GPR180: variants seen among roughly 807,000 people sequenced by gnomAD.
The protein encoded by GPR180 is integral membrane protein GPR180.
Under a neutral mutation model 52.6 loss-of-function variants are expected in GPR180, and 53 were observed. That is an observed-to-expected ratio of 1.01 (90% CI 0.81 to 1.27). GPR180 has a LOEUF of 1.27. Among genes scored for constraint, GPR180 ranks in the 50% most tolerant of loss-of-function variants. The pLI is 0.00. For synonymous variants in GPR180, 200 were observed against 193.1 expected (o/e 1.04, Z -0.30); for missense variants, 533 against 527.0 (o/e 1.01, Z -0.11).
rs1338195510 is a variant in GPR180, at chr13:94,632,202, G to A, written c.*5031G>A. The A allele has an allele frequency of 1.3e-5, 2 of 152,128 alleles. No homozygotes were observed. The highest frequency in any genetic ancestry group is 4.8e-5 in the African/African-American group (2 of 41,422). 9.4% of individuals were successfully genotyped at this position (152,128 alleles called of 1,614,324 possible). A position where few individuals can be genotyped will look rare whatever the true frequency, so the allele number is the denominator to read the frequency against. On this transcript the variant is annotated 3_prime_UTR_variant, in exon 9 of 9. Coordinates refer to ENST00000376958, the MANE Select transcript of GPR180 (RefSeq NM_180989.6). ...GTTCAGTAGCCTCAAAGAAGTATGC[G>A]AAAACCTTCTAATGTTTTCTTCTTG...
rs569353235 is a variant in GPR180 at position 94,628,147 on chromosome 13, C to T, written c.*976C>T. Reference sequence around the variant, plus strand: ...CTATGAATAATTGAAAAACAAAACACTCACTGGATTTGTTATAATCCGTGT... The same window carrying T: ...CTATGAATAATTGAAAAACAAAACATTCACTGGATTTGTTATAATCCGTGT... On this transcript the variant is annotated 3_prime_UTR_variant, in exon 9 of 9. Coordinates refer to ENST00000376958, the MANE Select transcript of GPR180 (RefSeq NM_180989.6). 6.6e-6 allele frequency: 1 copy of T among 152,632 alleles called. No individual in the cohort carries two copies. The highest frequency in any genetic ancestry group is 2.1e-4 in the South Asian group (1 of 4,828). 9.5% of individuals were successfully genotyped at this position (152,632 alleles called of 1,614,324 possible).
At chr13:94,623,451 C>T (rs573803271) in intron 7 of GPR180, 151 bp downstream of exon 7, 22 of 591,156 alleles carry the variant, frequency 3.7e-5, no homozygotes, top group South Asian at 1.6e-4. Flanking sequence ...TTTGGAAGGC[C>T]AAGACAGACA....
Position 94,601,991 on chromosome 13 carries a change from G to A in GPR180, c.64G>A (p.Gly22Ser), listed in dbSNP as rs777714930. The change falls in exon 1 of 9, where the codon GGT becomes AGT. Residue 22 changes from glycine (G) to serine (S), a missense_variant. Coordinates refer to ENST00000376958, the MANE Select transcript of GPR180 (RefSeq NM_180989.6). ...CTGCTGGTGGCCGCAGGGCAGCCAG[G>A]GTAAGACCCTGCGGGGCAGCTTCAG... ...TCCWWPQGSQ[G>S]KTLRGSFSST... 2.9e-5 allele frequency: 43 copies of A among 1,488,012 alleles called. No individual in the cohort carries two copies. The Admixed American group carries it at 8.9e-4, about 31-fold the overall frequency. The allele number at this position is 1,488,012 out of a possible 1,614,324, so 92.2% of individuals were successfully genotyped here. A position where few individuals can be genotyped will look rare whatever the true frequency, so the allele number is the denominator to read the frequency against.
chr13:94,621,320 G>C lies in GPR180; in HGVS notation c.894+85G>C, dbSNP rs150967362. 118 of 1,063,066 alleles carry C rather than the reference G, an allele frequency of 1.1e-4. 1 individual carries two copies. Among genetic ancestry groups the C allele is most frequent in the Non-Finnish European group, 1.4e-4 (112 of 773,486 alleles). The allele number at this position is 1,063,066 out of a possible 1,614,324, so 65.9% of individuals were successfully genotyped here. Reference sequence around the variant, plus strand: ...ACCTCATTTCAGAATTGAAACCTGGGACCCATAAGGAATTTGTGTCATTTT... The same window carrying C: ...ACCTCATTTCAGAATTGAAACCTGGCACCCATAAGGAATTTGTGTCATTTT... On this transcript the variant is annotated intron_variant, in intron 6 of 8. Coordinates refer to ENST00000376958, the MANE Select transcript of GPR180 (RefSeq NM_180989.6).
chr13:94,611,561 C>T (rs1337273525), intron 2 of GPR180, among the ~76,000 whole-genome samples: 1 of 152,054 alleles, frequency 6.6e-6, no homozygotes, highest in Non-Finnish European at 1.5e-5. Flanking sequence ...AAGTTTCAGC[C>T]GCCGAGACCA....
At chr13:94,612,146 A>T (rs1198511636) in intron 2 of GPR180, 44 bp from the exon 3 acceptor site, 2 of 1,471,148 alleles carry the variant, frequency 1.4e-6, no homozygotes, top group African/African-American at 2.8e-5. Context: ...AGTGAAACAC[A>T]TTTGAGAATT....
intron 2 of GPR180, among the ~76,000 whole-genome samples, chr13:94,610,871 G>GC (rs1345637214): frequency 6.6e-6 from 1 of 152,134 alleles, no homozygotes; most frequent in African/African-American, 2.4e-5. Flanking sequence ...ATTTTCAGAT[G>GC]CCCTGGAGGA....
At position 94,623,297 on chromosome 13, in the gene GPR180, C is replaced by A; in HGVS notation, c.1083C>A (p.Ala361=). 1 of 1,608,344 alleles carries A rather than the reference C, an allele frequency of 6.2e-7. No homozygotes were observed. The highest frequency in any genetic ancestry group is 8.5e-7 in the Non-Finnish European group (1 of 1,176,082). ...TLKREFYITF[A]KGCILWFLCH... is the part of the protein sequence containing the mutation. Reference sequence around the variant, plus strand: ...AAAGGGAGTTCTACATCACATTTGCCAAAGTATGGGTTTGGAAAGAAAATC... The same window carrying A: ...AAAGGGAGTTCTACATCACATTTGCAAAAGTATGGGTTTGGAAAGAAAATC... Residue 361 remains alanine (A), a synonymous_variant, in exon 7 of 9, where the codon GCC becomes GCA. Coordinates refer to ENST00000376958, the MANE Select transcript of GPR180 (RefSeq NM_180989.6).
At chr13:94,609,736 C>T (rs759849053) in intron 2 of GPR180, among the ~76,000 whole-genome samples, 3 of 150,882 alleles carry the variant, frequency 2.0e-5, no homozygotes, top group Non-Finnish European at 4.4e-5. Flanking sequence ...TACATTTTTC[C>T]AGAAACTGTA....
chr13:94,615,934 C>A (rs1051930157), intron 3 of GPR180, among the ~76,000 whole-genome samples: 1 of 152,050 alleles, frequency 6.6e-6, no homozygotes, highest in African/African-American at 2.4e-5. Flanking sequence ...AACAGAAAAC[C>A]CTAATGCAAG....
At chr13:94,621,605 G>A (rs558592055) in intron 6 of GPR180, among the ~76,000 whole-genome samples, 11 of 152,108 alleles carry the variant, frequency 7.2e-5, no homozygotes, top group Non-Finnish European at 1.3e-4. Flanking sequence ...AACACTGAAT[G>A]AGTGATTCCA....
Position 94,612,393 on chromosome 13 carries a change from A to G in GPR180, c.505+3A>G, listed in dbSNP as rs1443621615. 8 of 1,580,868 alleles carry G rather than the reference A, an allele frequency of 5.1e-6. No individual in the cohort carries two copies. The South Asian group carries it at 8.9e-5, about 18-fold the overall frequency. On this transcript the variant is annotated splice_donor_region_variant and intron_variant, in intron 3 of 8. Transcript: ENST00000376958. Reference sequence around the variant, plus strand: ...TCATTTTAGTGCTGGAGAATCTGGTAAGAATATGTATTTGAATATATCCTA... The same window carrying G: ...TCATTTTAGTGCTGGAGAATCTGGTGAGAATATGTATTTGAATATATCCTA...
chr13:94,627,421 T>C lies in GPR180; in HGVS notation c.*250T>C, dbSNP rs1889942598. Reference sequence around the variant, plus strand: ...TATAAAATTATTGAAGCGATTTCTATGTGGAAATAAATGTGAAAAATAACT... The same window carrying C: ...TATAAAATTATTGAAGCGATTTCTACGTGGAAATAAATGTGAAAAATAACT... On this transcript the variant is annotated 3_prime_UTR_variant, in exon 9 of 9. Coordinates refer to ENST00000376958, the MANE Select transcript of GPR180 (RefSeq NM_180989.6). 2.4e-6 allele frequency: 1 copy of C among 423,774 alleles called. No individual in the cohort carries two copies. The highest frequency in any genetic ancestry group is 4.5e-5 in the Admixed American group (1 of 22,258). The allele number at this position is 423,774 out of a possible 1,614,324, so 26.3% of individuals were successfully genotyped here.
chr13:94,607,317 C>A (rs1488687204), intron 2 of GPR180, among the ~76,000 whole-genome samples: 1 of 152,218 alleles, frequency 6.6e-6, no homozygotes, highest in African/African-American at 2.4e-5. Context: ...GGTCATGTTA[C>A]ATTCACTTCT....
At chr13:94,608,513 T>G (rs1389104364) in intron 2 of GPR180, among the ~76,000 whole-genome samples, 1 of 152,192 alleles carries the variant, frequency 6.6e-6, no homozygotes, top group Non-Finnish European at 1.5e-5. Flanking sequence ...TAAAATAAAT[T>G]TAATACTGAT....
chr13:94,626,102 G>C, intron 8 of GPR180, 59 bp downstream of exon 8: 1 of 1,200,160 alleles, frequency 8.3e-7, no homozygotes, highest in Non-Finnish European at 1.2e-6. Flanking sequence ...TTAATTGGGA[G>C]AATATTTAAA....
At chr13:94,621,041 GA>G (rs761146359) in intron 5 of GPR180, 36 bp from the exon 6 acceptor site, 245 of 1,548,194 alleles carry the variant, frequency 1.6e-4, no homozygotes, top group Non-Finnish European at 2.0e-4. Flanking sequence ...TTTATATTGT[GA>G]AAACTTGGTT....
At chr13:94,620,139 C>G (rs1889833574) in intron 5 of GPR180, among the ~76,000 whole-genome samples, 1 of 152,172 alleles carries the variant, frequency 6.6e-6, no homozygotes, top group Admixed American at 6.5e-5. Flanking sequence ...GTGAAACATA[C>G]TTCCACATGT....
chr13:94,610,532 T>C (rs1889688925), intron 2 of GPR180, among the ~76,000 whole-genome samples: 1 of 152,214 alleles, frequency 6.6e-6, no homozygotes, highest in Admixed American at 6.5e-5. Context: ...TTAGAGAGTT[T>C]GTAAATTTAT....
Sources: gnomAD v4.1 joint callset for allele counts (sites outside exome capture counted in the v4.1 genomes callset) on GRCh38, gnomAD v4.1.1 for gene constraint, MANE v1.5 for transcripts, NCBI Gene and HGNC (gene_info 2026-07-23, HGNC 2026-07-21) for gene names.